Variants in TMTC3 observed in about 807,000 individuals in gnomAD.
TMTC3 encodes the protein transmembrane O-mannosyltransferase targeting cadherins 3.
TMTC3 carries 52 observed loss-of-function variants against 92.2 expected under a neutral mutation model. The observed-to-expected ratio is 0.56, with a 90% confidence interval of 0.45 to 0.71. TMTC3 has a LOEUF of 0.71. Among genes scored for constraint, TMTC3 ranks in the 30% least tolerant of loss-of-function variants. The probability of loss-of-function intolerance (pLI) is 0.00; values close to 1 mark genes in which losing one functional copy is unlikely to be tolerated. For missense variants in TMTC3, 896 were observed against 1,057.1 expected (o/e 0.85, Z 2.11); for synonymous variants, 339 against 363.3 (o/e 0.93, Z 0.76).
chr12:88,172,861 C>G, intron 8 of TMTC3, 116 bp downstream of exon 8: 1 of 1,474,130 alleles, frequency 6.8e-7, no homozygotes, highest in East Asian at 2.5e-5. Flanking sequence ...TTTGGTTTTT[C>G]ATCTCCATAG....
intron 4 of TMTC3, 150 bp downstream of exon 4, chr12:88,154,537 G>T: frequency 2.1e-6 from 1 of 484,328 alleles, no homozygotes; most frequent in Non-Finnish European, 3.6e-6. Flanking sequence ...GTGAAAATAT[G>T]AAATATGTAA....
intron 2 of TMTC3, among the ~76,000 whole-genome samples, chr12:88,150,026 G>C (rs1477019775): frequency 3.3e-5 from 5 of 152,108 alleles, no homozygotes; most frequent in African/African-American, 1.2e-4. Flanking sequence ...CATATTAAAT[G>C]GTCTCATTTT....
At chr12:88,167,492 A>G (rs1283136179) in intron 7 of TMTC3, among the ~76,000 whole-genome samples, 1 of 152,208 alleles carries the variant, frequency 6.6e-6, no homozygotes, top group Non-Finnish European at 1.5e-5. Flanking sequence ...ATGTTTAATG[A>G]ATTGCAGATA....
At chr12:88,172,866 C>G (rs535880957) in intron 8 of TMTC3, 121 bp downstream of exon 8, 61 of 1,492,826 alleles carry the variant, frequency 4.1e-5, no homozygotes, top group African/African-American at 4.1e-4. Flanking sequence ...TTTTTCATCT[C>G]CATAGTCTCC....
At chr12:88,172,031 T>C (rs1319903151) in intron 7 of TMTC3, among the ~76,000 whole-genome samples, 2 of 152,126 alleles carry the variant, frequency 1.3e-5, no homozygotes, top group African/African-American at 4.8e-5. Context: ...TTGCCCATTT[T>C]TTAAATTGGG....
In TMTC3 at chr12:88,196,980, A is replaced by G. The variant is rs1460408155; in HGVS notation, c.*1331A>G. 1 of 152,034 alleles carries G rather than the reference A, an allele frequency of 6.6e-6. No individual in the cohort carries two copies. The highest frequency in any genetic ancestry group is 1.5e-5 in the Non-Finnish European group (1 of 67,784). 9.4% of individuals were successfully genotyped at this position (152,034 alleles called of 1,614,324 possible). A position where few individuals can be genotyped will look rare whatever the true frequency, so the allele number is the denominator to read the frequency against. ...TATACCTGATTTTTTTTCTTGAATTAAAGTACATTTTAAATGAGCTTTATA... is the reference window on the plus strand; with the variant it reads ...TATACCTGATTTTTTTTCTTGAATTGAAGTACATTTTAAATGAGCTTTATA... On this transcript the variant is annotated 3_prime_UTR_variant, in exon 14 of 14. Coordinates refer to ENST00000266712, the MANE Select transcript of TMTC3 (RefSeq NM_181783.4).
At position 88,166,364 on chromosome 12, in the gene TMTC3, A is replaced by G; in HGVS notation, c.832A>G (p.Thr278Ala). The G allele has an allele frequency of 3.1e-6, 5 of 1,613,878 alleles. No individual in the cohort carries two copies. The highest frequency in any genetic ancestry group is 4.2e-6 in the Non-Finnish European group (5 of 1,179,880). The change falls in exon 7 of 14, where the codon ACA becomes GCA. Residue 278 changes from threonine to alanine, a missense_variant. Coordinates refer to ENST00000266712, the MANE Select transcript of TMTC3 (RefSeq NM_181783.4). The part of the protein sequence containing the change: ...DNPAAVSPTP[T>A]RQLTFNYLLP... Reference sequence around the variant, plus strand: ...CCCAGCTGCTGTAAGCCCAACTCCTACAAGGCAACTAACTTTTAACTACCT... The same window carrying G: ...CCCAGCTGCTGTAAGCCCAACTCCTGCAAGGCAACTAACTTTTAACTACCT...
chr12:88,157,651 A>G (rs1465830953), intron 4 of TMTC3, among the ~76,000 whole-genome samples: 2 of 152,148 alleles, frequency 1.3e-5, no homozygotes, highest in Non-Finnish European at 2.9e-5. Flanking sequence ...GATACTTAAA[A>G]TAACTGTTTG....
chr12:88,155,714 C>T (rs1452103113), intron 4 of TMTC3, among the ~76,000 whole-genome samples: 1 of 152,178 alleles, frequency 6.6e-6, no homozygotes, highest in Non-Finnish European at 1.5e-5. Context: ...ACTGAAATAG[C>T]TTTTCACCAT....
chr12:88,158,623 A>G (rs1223728182), intron 4 of TMTC3, among the ~76,000 whole-genome samples: 1 of 152,238 alleles, frequency 6.6e-6, no homozygotes, highest in African/African-American at 2.4e-5. Flanking sequence ...AGTACTTTGA[A>G]AACAATTTCA....
intron 1 of TMTC3, among the ~76,000 whole-genome samples, chr12:88,144,205 A>G (rs868687340): frequency 6.6e-6 from 1 of 152,178 alleles, no homozygotes. Context: ...ACTGACAGAC[A>G]TCCTGAGAAT....
chr12:88,161,613 C>T (rs1195069796), intron 6 of TMTC3, among the ~76,000 whole-genome samples: 1 of 151,670 alleles, frequency 6.6e-6, no homozygotes, highest in Non-Finnish European at 1.5e-5. Flanking sequence ...CTCTTTGTCT[C>T]ATCTAATCTT....
intron 2 of TMTC3, 79 bp downstream of exon 2, chr12:88,148,583 A>G: frequency 3.9e-6 from 4 of 1,018,964 alleles, no homozygotes; most frequent in South Asian, 1.8e-5. Context: ...CTAATTCTTT[A>G]TCAACATTAT....
rs534191537 is a variant in TMTC3 at position 88,179,323 on chromosome 12, G to A, written c.1432+3004G>A. Among the ~76,000 whole-genome samples, 6 of 152,136 alleles carry A rather than the reference G, an allele frequency of 3.9e-5. No individual in the cohort carries two copies. The East Asian group carries it at 1.2e-3, about 29-fold the overall frequency. On this transcript the variant is annotated intron_variant, in intron 10 of 13. Transcript: ENST00000266712. ...ACAGTGACCAGGATAAGGTTAAGAGGGACAACTAGTGTGATGGTTAGTTAA... is the reference window on the plus strand; with the variant it reads ...ACAGTGACCAGGATAAGGTTAAGAGAGACAACTAGTGTGATGGTTAGTTAA...
chr12:88,177,008 A>G (rs1332269166), intron 10 of TMTC3, among the ~76,000 whole-genome samples: 1 of 152,030 alleles, frequency 6.6e-6, no homozygotes, highest in African/African-American at 2.4e-5. Context: ...AAAGGATGGT[A>G]AGATAAGAGG....
chr12:88,153,436 A>C lies in TMTC3; in HGVS notation c.335A>C (p.Lys112Thr), dbSNP rs77028313. ...VVSVIFLKVC[K>T]LFLDNKSSVI... ...AGTGTGATATTTCTCAAAGTATGCA[A>C]ACTTTTTCTGGACAACAAGAGTAGT... Residue 112 changes from lysine (K) to threonine (T), a missense_variant, in exon 3 of 14, where the codon AAA becomes ACA. By Grantham distance (78) the Lys-to-Thr change is moderately conservative (BLOSUM62 -1). Transcript: ENST00000266712. 6.2e-7 allele frequency: 1 copy of C among 1,613,694 alleles called. No homozygotes were observed. Among genetic ancestry groups the C allele is most frequent in the Non-Finnish European group, 8.5e-7 (1 of 1,179,762 alleles).
intron 10 of TMTC3, 118 bp downstream of exon 10, chr12:88,176,437 G>A (rs966515190): frequency 3.0e-6 from 2 of 662,128 alleles, no homozygotes; most frequent in Admixed American, 3.0e-5. Context: ...GAATACTAGA[G>A]TTCAGTGCTT....
At position 88,195,719 on chromosome 12, in the gene TMTC3, G is replaced by C; in HGVS notation, c.*70G>C. ...TATCATGTGATTGCTTTTACTGGGA[G>C]CTTTGAAAAAAAGTTCAAGGGTTCC... On this transcript the variant is annotated 3_prime_UTR_variant, in exon 14 of 14. Coordinates refer to ENST00000266712, the MANE Select transcript of TMTC3 (RefSeq NM_181783.4). 1 of 1,386,632 alleles carries C rather than the reference G, an allele frequency of 7.2e-7. No homozygotes were observed. The highest frequency in any genetic ancestry group is 1.5e-5 in the South Asian group (1 of 65,528). 85.9% of individuals were successfully genotyped at this position (1,386,632 alleles called of 1,614,324 possible).
At chr12:88,190,676 A>C (rs959575918) in intron 12 of TMTC3, 54 bp downstream of exon 12, 35 of 1,513,896 alleles carry the variant, frequency 2.3e-5, no homozygotes, top group Non-Finnish European at 2.8e-5. Flanking sequence ...CTGCATCTCC[A>C]TGTACATTTT....
Sources: gnomAD v4.1 joint callset for allele counts (sites outside exome capture counted in the v4.1 genomes callset) on GRCh38, gnomAD v4.1.1 for gene constraint, MANE v1.5 for transcripts, NCBI Gene and HGNC (gene_info 2026-07-23, HGNC 2026-07-21) for gene names.